Variants in ABCB4 observed in about 807,000 individuals in gnomAD.
ABCB4 encodes the protein phosphatidylcholine translocator ABCB4.
Under a neutral mutation model 145.7 loss-of-function variants are expected in ABCB4, and 76 were observed. That is an observed-to-expected ratio of 0.52 (90% confidence interval 0.43 to 0.63). ABCB4 has a LOEUF of 0.63. Among genes scored for constraint, ABCB4 ranks in the 30% least tolerant of loss-of-function variants. The probability of loss-of-function intolerance (pLI) is 0.00; values close to 1 mark genes in which losing one functional copy is unlikely to be tolerated. For synonymous variants in ABCB4, 517 were observed against 566.8 expected (o/e 0.91, Z 1.25); for missense variants, 1,234 against 1,553.1 (o/e 0.79, Z 3.45).
chr7:87,407,619 G>A (rs901811466), intron 25 of ABCB4, among the ~76,000 whole-genome samples: 3 of 152,182 alleles, frequency 2.0e-5, no homozygotes, highest in Non-Finnish European at 4.4e-5. Flanking sequence ...GTCAAAGTTC[G>A]AGAGCCGAGA....
At chr7:87,392,869 T>G in the ABCB4 span, 18 of 1,609,608 alleles carry the variant, frequency 1.1e-5, no homozygotes, top group East Asian at 2.0e-4. Context: ...GGCTTCCTCT[T>G]TTTGTATATT....
At chr7:87,451,077 G>A (rs1811688881) in intron 7 of ABCB4, among the ~76,000 whole-genome samples, 1 of 151,622 alleles carries the variant, frequency 6.6e-6, no homozygotes, top group African/African-American at 2.4e-5. Context: ...ATAATTTGAG[G>A]GAAATGTTAT....
intron 14 of ABCB4, among the ~76,000 whole-genome samples, 169 bp downstream of exon 14, chr7:87,439,498 C>A (rs987278981): frequency 6.6e-6 from 1 of 152,184 alleles, no homozygotes; most frequent in Non-Finnish European, 1.5e-5. Flanking sequence ...GTACCCTTCA[C>A]CTGTCTCTGA....
chr7:87,446,879 G>T (rs1357419458), intron 9 of ABCB4, among the ~76,000 whole-genome samples, 155 bp downstream of exon 9: 2 of 152,086 alleles, frequency 1.3e-5, no homozygotes, highest in Admixed American at 6.5e-5. Context: ...ATACTAGAAA[G>T]TCAGCTCTGC....
chr7:87,381,547 G>C, the ABCB4 span, among the ~76,000 whole-genome samples: 2 of 152,080 alleles, frequency 1.3e-5, no homozygotes, highest in Non-Finnish European at 2.9e-5. Context: ...TTTCCACCCT[G>C]TTCTTACAAT....
At chr7:87,427,999 C>T (rs1809954839) in intron 15 of ABCB4, among the ~76,000 whole-genome samples, 3 of 152,242 alleles carry the variant, frequency 2.0e-5, no homozygotes, top group South Asian at 4.1e-4. Context: ...TAAAGGGCAG[C>T]TCAAAATCAT....
chr7:87,407,244 T>C (rs1004915901), intron 25 of ABCB4, among the ~76,000 whole-genome samples: 1 of 152,078 alleles, frequency 6.6e-6, no homozygotes, highest in East Asian at 1.9e-4. Context: ...AAGAAAAAAA[T>C]TCCCACCATC....
intron 26 of ABCB4, 124 bp from the exon 27 acceptor site, chr7:87,403,405 GTGTT>G: frequency 1.1e-6 from 1 of 905,762 alleles, no homozygotes; most frequent in Non-Finnish European, 1.7e-6. Context: ...ACTTAACAGA[GTGTT>G]TATTTTCAAA....
chr7:87,374,848 T>C, the ABCB4 span, among the ~76,000 whole-genome samples: 2 of 152,078 alleles, frequency 1.3e-5, no homozygotes, highest in African/African-American at 4.8e-5. Context: ...TGACCATTTA[T>C]TAAGCTACAT....
At chr7:87,464,839 G>A (rs962095651) in intron 3 of ABCB4, among the ~76,000 whole-genome samples, 2 of 152,168 alleles carry the variant, frequency 1.3e-5, no homozygotes, top group African/African-American at 4.8e-5. Flanking sequence ...TTGTAGGATT[G>A]TATTTTCTGT....
At chr7:87,417,264 A>G (rs747403125) in intron 21 of ABCB4, 48 bp downstream of exon 21, 29 of 1,555,998 alleles carry the variant, frequency 1.9e-5, no homozygotes, top group Non-Finnish European at 2.5e-5. Flanking sequence ...AATAAAACAC[A>G]TGTCTAAAAA....
rs1297237099 is a variant in ABCB4 at position 87,409,284 on chromosome 7, A to G, written c.3033T>C (p.Phe1011=). The change falls in exon 24 of 28, where the codon TTT becomes TTC. Residue 1011 remains phenylalanine, a synonymous_variant. Transcript: ENST00000649586. ...AGCTGTCAATCAGAGGTTGTCTTTC[A>G]AACAGCATGAATAAGTGGGCTGCAG... ...KLSAAHLFML[F]ERQPLIDSYS... 1.1e-5 allele frequency: 17 copies of G among 1,614,142 alleles called. No homozygotes were observed. The Admixed American group carries it at 1.2e-4, about 11-fold the overall frequency.
At chr7:87,405,154 C>T (rs1808089327) in intron 26 of ABCB4, among the ~76,000 whole-genome samples, 2 of 152,212 alleles carry the variant, frequency 1.3e-5, no homozygotes, top group South Asian at 4.1e-4. Context: ...AACTGTGGTA[C>T]ATCCACACTG....
chr7:87,409,454 G>C (rs546142170), intron 23 of ABCB4, 62 bp from the exon 24 acceptor site: 2 of 1,553,366 alleles, frequency 1.3e-6, no homozygotes, highest in Non-Finnish European at 1.8e-6. Flanking sequence ...ATGTTTGAAA[G>C]TCTAAAGGTA....
At chr7:87,423,565 C>G (rs1281707798) in intron 17 of ABCB4, 1 of 364,004 alleles carries the variant, frequency 2.7e-6, no homozygotes, top group Non-Finnish European at 5.3e-6. Flanking sequence ...CCTCCCTGCT[C>G]CACTCTCTCT....
chr7:87,447,601 A>C (rs1469248826), intron 8 of ABCB4, among the ~76,000 whole-genome samples: 1 of 152,234 alleles, frequency 6.6e-6, no homozygotes, highest in Non-Finnish European at 1.5e-5. Flanking sequence ...GAACTCATAA[A>C]CAGTTAGATT....
At chr7:87,379,777 T>C in the ABCB4 span, among the ~76,000 whole-genome samples, 335 of 152,304 alleles carry the variant, frequency 2.2e-3, 4 homozygotes, top group Middle Eastern at 6.8e-3. Context: ...AAGATGATTA[T>C]AGAGGGTGCA....
chr7:87,409,567 G>C (rs974892703), intron 23 of ABCB4, among the ~76,000 whole-genome samples, 175 bp from the exon 24 acceptor site: 2 of 152,138 alleles, frequency 1.3e-5, no homozygotes, highest in Non-Finnish European at 2.9e-5. Flanking sequence ...TAGGAGAGGG[G>C]CAAGATCCAC....
At chr7:87,444,664 A>G (rs561317294) in intron 10 of ABCB4, among the ~76,000 whole-genome samples, 198 bp downstream of exon 10, 1 of 152,304 alleles carries the variant, frequency 6.6e-6, no homozygotes, top group East Asian at 1.9e-4. Context: ...TATTATCTAA[A>G]GATACATTTA....
Sources: gnomAD v4.1 joint callset for allele counts (sites outside exome capture counted in the v4.1 genomes callset) on GRCh38, gnomAD v4.1.1 for gene constraint, MANE v1.5 for transcripts, NCBI Gene and HGNC (gene_info 2026-07-23, HGNC 2026-07-21) for gene names.